Variants in PAPPA observed in about 807,000 individuals in gnomAD.
PAPPA encodes the protein pappalysin-1.
A neutral mutation model predicts 164.0 loss-of-function variants in PAPPA; 60 were observed. The observed-to-expected ratio is 0.37, with a 90% CI of 0.30 to 0.45. The LOEUF is 0.45. Ranked by LOEUF, PAPPA falls within the 20% of genes least tolerant of loss-of-function variation. The pLI, the probability that PAPPA is intolerant of heterozygous loss-of-function variation, is 1.00. For synonymous variants in PAPPA, 875 were observed against 814.1 expected (o/e 1.07, Z -1.27); for missense variants, 1,782 against 2,087.3 (o/e 0.85, Z 2.85).
chr9:116,203,717 A>G (rs1844198445), intron 2 of PAPPA, among the ~76,000 whole-genome samples: 1 of 152,210 alleles, frequency 6.6e-6, no homozygotes, highest in African/African-American at 2.4e-5. Context: ...GATGCCCCTG[A>G]CAGGTGGTCA....
chr9:116,267,731 C>T (rs1239378424), intron 8 of PAPPA, among the ~76,000 whole-genome samples: 2 of 151,588 alleles, frequency 1.3e-5, no homozygotes, highest in East Asian at 1.9e-4. Context: ...AAAAATTAGC[C>T]GGGCGCGGTG....
At chr9:116,218,308 C>T (rs933303331) in intron 4 of PAPPA, among the ~76,000 whole-genome samples, 1 of 152,148 alleles carries the variant, frequency 6.6e-6, no homozygotes, top group Non-Finnish European at 1.5e-5. Flanking sequence ...TATAGCTGTC[C>T]AGCACCTGCC....
intron 10 of PAPPA, among the ~76,000 whole-genome samples, chr9:116,314,279 C>A (rs528831953): frequency 6.6e-6 from 1 of 151,822 alleles, no homozygotes; most frequent in East Asian, 1.9e-4. Context: ...CCATGTTGGC[C>A]AGGATGGTCT....
At chr9:116,214,101 G>A (rs1484338113) in intron 4 of PAPPA, among the ~76,000 whole-genome samples, 1 of 152,178 alleles carries the variant, frequency 6.6e-6, no homozygotes, top group Non-Finnish European at 1.5e-5. Flanking sequence ...GATAGACATA[G>A]TTTATATCTG....
chr9:116,284,628 G>A (rs980612588), intron 9 of PAPPA, among the ~76,000 whole-genome samples: 4 of 131,320 alleles, frequency 3.0e-5, no homozygotes, highest in Non-Finnish European at 6.1e-5. Context: ...ACTCACATTC[G>A]ACACATCTTA....
intron 18 of PAPPA, among the ~76,000 whole-genome samples, chr9:116,363,201 C>T (rs1846452338): frequency 6.6e-6 from 1 of 152,094 alleles, no homozygotes; most frequent in African/African-American, 2.4e-5. Flanking sequence ...TTCATGAGTA[C>T]CTGATATAGT....
rs1844220540 is a variant in PAPPA, at chr9:116,205,366, C to G, written c.1479-2090C>G. On this transcript the variant is annotated intron_variant, in intron 2 of 21. Coordinates refer to ENST00000328252, the MANE Select transcript of PAPPA (RefSeq NM_002581.5). ...TTTTTCTCTCTTGAAGCTTTCTCATCTCAGAGCTATGGGGCAGAGGTGGCT... is the reference window on the plus strand; with the variant it reads ...TTTTTCTCTCTTGAAGCTTTCTCATGTCAGAGCTATGGGGCAGAGGTGGCT... 4.6e-5 allele frequency among the ~76,000 whole-genome samples: 7 copies of G among 152,176 alleles called. 1 individual carries two copies. The South Asian group carries it at 1.4e-3, about 32-fold the overall frequency.
At chr9:116,215,408 T>G (rs387747) in intron 4 of PAPPA, among the ~76,000 whole-genome samples, 79,999 of 151,996 alleles carry the variant, frequency 0.53, 22,441 homozygotes, top group East Asian at 0.77. Flanking sequence ...ATACTATGCA[T>G]CCACAAAAAA....
intron 19 of PAPPA, among the ~76,000 whole-genome samples, chr9:116,369,040 C>G (rs1459591387): frequency 6.6e-6 from 1 of 151,914 alleles, no homozygotes; most frequent in African/African-American, 2.4e-5. Context: ...TAATTTTTTT[C>G]CTATCTCTGT....
chr9:116,174,064 TCA>T (rs1024172719), intron 1 of PAPPA, among the ~76,000 whole-genome samples: 10 of 152,214 alleles, frequency 6.6e-5, no homozygotes, highest in African/African-American at 2.4e-4. Flanking sequence ...TCTCTGAGTC[TCA>T]GTTTTCTCAT....
At chr9:116,306,278 G>A (rs1173340063) in intron 10 of PAPPA, among the ~76,000 whole-genome samples, 1 of 152,198 alleles carries the variant, frequency 6.6e-6, no homozygotes, top group East Asian at 1.9e-4. Context: ...ATCACAATAA[G>A]TCTGCAGGAT....
chr9:116,365,566 T>G (rs111325326), intron 18 of PAPPA, among the ~76,000 whole-genome samples: 2 of 137,894 alleles, frequency 1.5e-5, no homozygotes, highest in Admixed American at 7.5e-5. Flanking sequence ...TTTTTTTTTT[T>G]CCTCTCTTGG....
chr9:116,290,734 T>C (rs1181018798), intron 9 of PAPPA, among the ~76,000 whole-genome samples: 1 of 152,022 alleles, frequency 6.6e-6, no homozygotes, highest in Non-Finnish European at 1.5e-5. Flanking sequence ...ACAATCACAC[T>C]AAAACTGCTG....
At chr9:116,282,881 T>C (rs1162822866) in intron 9 of PAPPA, among the ~76,000 whole-genome samples, 1 of 152,242 alleles carries the variant, frequency 6.6e-6, no homozygotes, top group East Asian at 1.9e-4. Context: ...CATTAAATAC[T>C]TAACAGAGGA....
rs202071577 is a variant in PAPPA, at chr9:116,396,649, C to T, written c.*33C>T. ...CAAGAAGTTGTCAAAGAATTCCCAA[C>T]GCCAGGACCCACATCCCTTTGGTAT... is the stretch of plus-strand genomic sequence containing the variant. On this transcript the variant is annotated 3_prime_UTR_variant, in exon 22 of 22. Coordinates refer to ENST00000328252, the MANE Select transcript of PAPPA (RefSeq NM_002581.5). 8.1e-5 allele frequency: 63 copies of T among 777,254 alleles called. No homozygotes were observed. The highest frequency in any genetic ancestry group is 1.2e-4 in the Non-Finnish European group (50 of 415,994). The allele number at this position is 777,254 out of a possible 1,614,324, so 48.1% of individuals were successfully genotyped here. A position where few individuals can be genotyped will look rare whatever the true frequency, so the allele number is the denominator to read the frequency against.
Position 116,375,677 on chromosome 9 carries a change from G to A in PAPPA, c.4606-1899G>A, listed in dbSNP as rs138408231. Among the ~76,000 whole-genome samples the A allele has an allele frequency of 2.6e-5, 4 of 152,202 alleles. No homozygotes were observed. The East Asian group carries it at 7.7e-4, about 29-fold the overall frequency. On this transcript the variant is annotated intron_variant, in intron 19 of 21. Coordinates refer to ENST00000328252, the MANE Select transcript of PAPPA (RefSeq NM_002581.5). ...AGAAAGGCACCCAATCCAGTCTTGGGGTCACCTGATTCCCTCTGTCACAGC... is the reference window on the plus strand; with the variant it reads ...AGAAAGGCACCCAATCCAGTCTTGGAGTCACCTGATTCCCTCTGTCACAGC...
At chr9:116,220,589 A>G (rs1187307534) in intron 5 of PAPPA, among the ~76,000 whole-genome samples, 3 of 151,538 alleles carry the variant, frequency 2.0e-5, no homozygotes, top group Admixed American at 6.6e-5. Context: ...ATATTTACAT[A>G]TAAGAATACA....
At chr9:116,318,943 C>G (rs949973314) in intron 10 of PAPPA, among the ~76,000 whole-genome samples, 2 of 152,216 alleles carry the variant, frequency 1.3e-5, no homozygotes, top group Admixed American at 6.5e-5. Context: ...CCCTGTGGCT[C>G]AGGCCACAGT....
chr9:116,361,871 G>A (rs952686365), intron 17 of PAPPA, among the ~76,000 whole-genome samples: 5 of 152,230 alleles, frequency 3.3e-5, no homozygotes, highest in African/African-American at 4.8e-5. Flanking sequence ...GGAAGGGGAC[G>A]TCAAGAAGGG....
Sources: allele counts gnomAD v4.1 joint callset (sites outside exome capture counted in the v4.1 genomes callset), GRCh38; gene constraint gnomAD v4.1.1; transcripts MANE v1.5; gene names NCBI Gene and HGNC (gene_info 2026-07-23, HGNC 2026-07-21).